The following SPMAP2L variants were observed in gnomAD, a reference collection of about 807,000 sequenced individuals.
SPMAP2L encodes the protein sperm microtubule associated protein 2 like, also known as sperm microtubule associated protein 2-like.
the SPMAP2L span, among the ~76,000 whole-genome samples, chr4:56,608,341 A>G: frequency 3.3e-5 from 5 of 152,246 alleles, no homozygotes; most frequent in African/African-American, 7.2e-5. Flanking sequence ...GATAAGAAGC[A>G]TGGTTGAGAG....
chr4:56,534,928 TCAA>T, the SPMAP2L span, among the ~76,000 whole-genome samples: 16 of 151,990 alleles, frequency 1.1e-4, no homozygotes, highest in East Asian at 3.9e-4. Context: ...AAACTCCATC[TCAA>T]CAACAACAAC....
chr4:56,539,139 G>T, the SPMAP2L span, among the ~76,000 whole-genome samples: 1 of 152,134 alleles, frequency 6.6e-6, no homozygotes, highest in Non-Finnish European at 1.5e-5. Flanking sequence ...TATAGAGTCG[G>T]TTCTATTATT....
chr4:56,603,216 G>C, the SPMAP2L span: 1 of 1,526,886 alleles, frequency 6.5e-7, no homozygotes, highest in Non-Finnish European at 8.8e-7. Context: ...CAGGGCTCCT[G>C]TGCGTATTGT....
the SPMAP2L span, among the ~76,000 whole-genome samples, chr4:56,569,267 A>T: frequency 2.0e-5 from 3 of 152,118 alleles, no homozygotes; most frequent in Admixed American, 1.3e-4. Flanking sequence ...TTATAATCCC[A>T]CCAGTAATGA....
the SPMAP2L span, among the ~76,000 whole-genome samples, chr4:56,591,860 C>A: frequency 6.6e-6 from 1 of 152,066 alleles, no homozygotes; most frequent in Admixed American, 6.5e-5. Flanking sequence ...CTTATCTATT[C>A]CAATTAGAAG....
the SPMAP2L span, among the ~76,000 whole-genome samples, chr4:56,543,118 G>A: frequency 2.7e-5 from 4 of 149,646 alleles, no homozygotes; most frequent in South Asian, 2.1e-4. Context: ...TTTTTGAGAC[G>A]GAGTCTCCAG....
chr4:56,567,868 G>A, the SPMAP2L span, among the ~76,000 whole-genome samples: 2 of 151,512 alleles, frequency 1.3e-5, no homozygotes. Flanking sequence ...CATTAAAATT[G>A]GATCTTTAAA....
the SPMAP2L span, among the ~76,000 whole-genome samples, chr4:56,605,334 C>T: frequency 6.6e-6 from 1 of 152,124 alleles, no homozygotes; most frequent in East Asian, 1.9e-4. Context: ...ATGGGTTCTG[C>T]TCTCACGGAC....
the SPMAP2L span, among the ~76,000 whole-genome samples, chr4:56,554,173 T>C: frequency 6.6e-6 from 1 of 152,232 alleles, no homozygotes; most frequent in East Asian, 1.9e-4. Flanking sequence ...CACGTGCAGG[T>C]TTTTTTGGTA....
chr4:56,567,442 G>GTTTTTTTTTTTTT, the SPMAP2L span, among the ~76,000 whole-genome samples: 79 of 65,568 alleles, frequency 1.2e-3, 6 homozygotes, highest in East Asian at 1.5e-3. Flanking sequence ...AATTTTGGTG[G>GTTTTTTTTTTTTT]TTTTTTTTTT....
chr4:56,558,774 AT>A, the SPMAP2L span, among the ~76,000 whole-genome samples: 2 of 151,532 alleles, frequency 1.3e-5, no homozygotes, highest in African/African-American at 2.4e-5. Flanking sequence ...TTGTCGTTTG[AT>A]TTTTTTCATC....
At chr4:56,535,355 C>T in the SPMAP2L span, among the ~76,000 whole-genome samples, 2 of 152,092 alleles carry the variant, frequency 1.3e-5, no homozygotes, top group Non-Finnish European at 2.9e-5. Context: ...TGGGCCTGGT[C>T]GTTAAAGATC....
the SPMAP2L span, among the ~76,000 whole-genome samples, chr4:56,568,563 C>T: frequency 1.3e-5 from 2 of 152,128 alleles, no homozygotes; most frequent in Non-Finnish European, 2.9e-5. Context: ...AGTATAGTGG[C>T]TTATGCCTAT....
At chr4:56,571,408 G>T in the SPMAP2L span, among the ~76,000 whole-genome samples, 2 of 151,172 alleles carry the variant, frequency 1.3e-5, no homozygotes, top group South Asian at 2.1e-4. Flanking sequence ...AGCCTCCTGG[G>T]CTCATGCGAT....
the SPMAP2L span, among the ~76,000 whole-genome samples, chr4:56,545,097 A>G: frequency 1.3e-5 from 2 of 152,192 alleles, no homozygotes; most frequent in African/African-American, 4.8e-5. Flanking sequence ...TATGAGAGAG[A>G]AAACAAACAC....
At chr4:56,583,905 A>G in the SPMAP2L span, among the ~76,000 whole-genome samples, 3 of 152,160 alleles carry the variant, frequency 2.0e-5, no homozygotes, top group African/African-American at 7.2e-5. Context: ...ATTATTTCAT[A>G]ATAATTTTGG....
At chr4:56,535,315 T>A in the SPMAP2L span, among the ~76,000 whole-genome samples, 1 of 152,130 alleles carries the variant, frequency 6.6e-6, no homozygotes, top group African/African-American at 2.4e-5. Context: ...AGAAATGAAA[T>A]CCACAGGCAG....
the SPMAP2L span, chr4:56,530,638 G>T: frequency 3.3e-6 from 5 of 1,518,130 alleles, no homozygotes; most frequent in Non-Finnish European, 3.5e-6. Flanking sequence ...AACCAGTCGG[G>T]AGGGTGAGTC....
the SPMAP2L span, among the ~76,000 whole-genome samples, chr4:56,578,764 T>TATTATAAAA: frequency 6.7e-6 from 1 of 150,138 alleles, no homozygotes; most frequent in African/African-American, 2.5e-5. Context: ...GGACATTTTA[T>TATTATAAAA]ATTATAAAAG....
Sources: gnomAD v4.1 joint callset for allele counts (sites outside exome capture counted in the v4.1 genomes callset) on GRCh38, gnomAD v4.1.1 for gene constraint, MANE v1.5 for transcripts, NCBI Gene and HGNC (gene_info 2026-07-23, HGNC 2026-07-21) for gene names.